The following EXPH5 variants were observed in gnomAD, a reference collection of about 807,000 sequenced individuals.
EXPH5 encodes the protein exophilin 5.
EXPH5 carries 42 observed loss-of-function variants against 41.1 expected under a neutral mutation model. The ratio of observed to expected loss-of-function variants is 1.02; its 90% CI spans 0.80 to 1.32. The LOEUF is 1.32. Ranked by LOEUF, EXPH5 falls within the 40% of genes most tolerant of loss-of-function variation. The pLI is 0.00. For synonymous variants in EXPH5, 798 were observed against 833.5 expected (o/e 0.96, Z 0.73); for missense variants, 2,298 against 2,314.5 (o/e 0.99, Z 0.15).
At chr11:108,526,541 G>T (rs984649741) in intron 4 of EXPH5, among the ~76,000 whole-genome samples, 2 of 152,200 alleles carry the variant, frequency 1.3e-5, no homozygotes, top group Admixed American at 1.3e-4. Flanking sequence ...AAAACCGAGA[G>T]TACAGAAGCA....
rs1232742653 is a variant in EXPH5 at position 108,541,591 on chromosome 11, T to G, written c.280+61A>C. ...ACATTGGAGATCCACTGGGCCATTA[T>G]CTACAATACTATGCCACAGAAACAA... On this transcript the variant is annotated intron_variant, in intron 2 of 5. Coordinates refer to ENST00000265843, the MANE Select transcript of EXPH5 (RefSeq NM_015065.3). 5 of 1,158,790 alleles carry G rather than the reference T, an allele frequency of 4.3e-6. No individual in the cohort carries two copies. In the African/African-American group the frequency reaches 7.7e-5, roughly 18 times the overall value. 71.8% of individuals were successfully genotyped at this position (1,158,790 alleles called of 1,614,324 possible).
intron 1 of EXPH5, among the ~76,000 whole-genome samples, chr11:108,549,477 C>T (rs138128401): frequency 6.6e-6 from 1 of 152,244 alleles, no homozygotes; most frequent in East Asian, 1.9e-4. Context: ...CAACTTAGTC[C>T]TTGCTGACCT....
Position 108,509,937 on chromosome 11 carries a change from G to C in EXPH5, c.5570C>G (p.Ser1857Cys). The stretch of plus-strand genomic sequence containing the variant: ...AGCCCAACTTTCATTTCCATCACAG[G>C]AGGGGAGTTCAGAAAAAGATCTGAA... ...RRFRSFSELP[S>C]CDGNESWAYR... is the part of the protein sequence containing the mutation. Residue 1857 changes from serine (S) to cysteine (C), a missense_variant, in exon 6 of 6, where the codon TCC becomes TGC. By Grantham distance (112) the Ser-to-Cys change is moderately radical. Coordinates refer to ENST00000265843, the MANE Select transcript of EXPH5 (RefSeq NM_015065.3). 6.2e-7 allele frequency: 1 copy of C among 1,611,998 alleles called. No homozygotes were observed. The highest frequency in any genetic ancestry group is 8.5e-7 in the Non-Finnish European group (1 of 1,179,312).
rs1250955192 is a variant in EXPH5 at position 108,510,039 on chromosome 11, C to T, written c.5468G>A (p.Ser1823Asn). Residue 1823 changes from serine (S) to asparagine (N), a missense_variant, in exon 6 of 6, where the codon AGC becomes AAC. By Grantham distance (46) the Ser-to-Asn change is conservative (BLOSUM62 1). Coordinates refer to ENST00000265843, the MANE Select transcript of EXPH5 (RefSeq NM_015065.3). ...PKVRERHFSESTSIDNALSRL... is the reference protein window; with the variant it reads ...PKVRERHFSENTSIDNALSRL... Reference sequence around the variant, plus strand: ...ACTCAGGGCATTGTCAATAGAAGTGCTTTCAGAAAAATGGCGCTCCCTGAC... The same window carrying T: ...ACTCAGGGCATTGTCAATAGAAGTGTTTTCAGAAAAATGGCGCTCCCTGAC... 8 of 1,611,944 alleles carry T rather than the reference C, an allele frequency of 5.0e-6. No individual in the cohort carries two copies. The highest frequency in any genetic ancestry group is 4.0e-5 in the African/African-American group (3 of 74,752).
chr11:108,508,868 T>C lies in EXPH5; in HGVS notation c.*669A>G, dbSNP rs1034058125. ...CAGGTCCTAATCTATAACCTCAACA[T>C]GTGCTTTGACCATGTGCCTCCCAGG... On this transcript the variant is annotated 3_prime_UTR_variant, in exon 6 of 6. Coordinates refer to ENST00000265843, the MANE Select transcript of EXPH5 (RefSeq NM_015065.3). 3.3e-5 allele frequency: 5 copies of C among 152,356 alleles called. No individual in the cohort carries two copies. The highest frequency in any genetic ancestry group is 1.2e-4 in the African/African-American group (5 of 41,582). The allele number at this position is 152,356 out of a possible 1,614,324, so 9.4% of individuals were successfully genotyped here. A position where few individuals can be genotyped will look rare whatever the true frequency, so the allele number is the denominator to read the frequency against.
At position 108,509,435 on chromosome 11, in the gene EXPH5, G is replaced by T. The variant is rs576704689; in HGVS notation, c.*102C>A. ...TGTGGGACATTTCAGAGCAGACACTGCCCAGACTAGATCTTTTATCCTTCC... is the reference window on the plus strand; with the variant it reads ...TGTGGGACATTTCAGAGCAGACACTTCCCAGACTAGATCTTTTATCCTTCC... On this transcript the variant is annotated 3_prime_UTR_variant, in exon 6 of 6. Coordinates refer to ENST00000265843, the MANE Select transcript of EXPH5 (RefSeq NM_015065.3). 2 of 1,150,872 alleles carry T rather than the reference G, an allele frequency of 1.7e-6. No homozygotes were observed. The highest frequency in any genetic ancestry group is 2.4e-5 in the East Asian group (1 of 41,694). The allele number at this position is 1,150,872 out of a possible 1,614,324, so 71.3% of individuals were successfully genotyped here.
chr11:108,574,987 T>C (rs1345066434), intron 1 of EXPH5, among the ~76,000 whole-genome samples: 1 of 152,202 alleles, frequency 6.6e-6, no homozygotes, highest in Non-Finnish European at 1.5e-5. Context: ...TACTTCCAGA[T>C]GTATTCTTAT....
At position 108,507,689 on chromosome 11, in the gene EXPH5, C is replaced by T. The variant is rs966468162; in HGVS notation, c.*1848G>A. 1 of 152,018 alleles carries T rather than the reference C, an allele frequency of 6.6e-6. No individual in the cohort carries two copies. Among genetic ancestry groups the T allele is most frequent in the African/African-American group, 2.4e-5 (1 of 41,358 alleles). 9.4% of individuals were successfully genotyped at this position (152,018 alleles called of 1,614,324 possible). On this transcript the variant is annotated 3_prime_UTR_variant, in exon 6 of 6. Coordinates refer to ENST00000265843, the MANE Select transcript of EXPH5 (RefSeq NM_015065.3). ...AATCACTGAATCATAGTGACAAGCC[C>T]TTAGGAGCTCTGCCTTAGAATTTCC... is the stretch of plus-strand genomic sequence containing the variant.
intron 1 of EXPH5, among the ~76,000 whole-genome samples, chr11:108,569,343 T>C (rs2136096533): frequency 6.7e-6 from 1 of 149,938 alleles, no homozygotes; most frequent in South Asian, 2.1e-4. Flanking sequence ...TTTATTATTA[T>C]TTTCTTATTT....
chr11:108,580,196 C>A lies in EXPH5; in HGVS notation c.119+13222G>T, dbSNP rs151328137. ...CCAGAATACACAATAAATTGAAACA[C>A]CTCAACAGCAAAAAAGCTGACAATC... is the stretch of plus-strand genomic sequence containing the variant. On this transcript the variant is annotated intron_variant, in intron 1 of 5. Transcript: ENST00000265843. Among the ~76,000 whole-genome samples the A allele has an allele frequency of 4.7e-3, 710 of 152,066 alleles. 5 individuals are homozygous for A. Among genetic ancestry groups the A allele is most frequent in the African/African-American group, 0.016 (661 of 41,496 alleles).
rs143775381 is a variant in EXPH5, at chr11:108,511,494, C to A, written c.4013G>T (p.Gly1338Val). 3.0e-4 allele frequency: 474 copies of A among 1,589,386 alleles called. 3 individuals carry two copies. The highest frequency in any genetic ancestry group is 3.0e-4 in the Non-Finnish European group (347 of 1,171,156). The change falls in exon 6 of 6, where the codon GGG (glycine) becomes GTG (valine). Residue 1338 changes from glycine to valine, a missense_variant. By Grantham distance (109) the Gly-to-Val change is moderately radical. Transcript: ENST00000265843. ...TTCCTGTAATGTAGGAGCTAGGGGC[C>A]CCCTATTTGATAATCGGAAGGCAGT... is the stretch of plus-strand genomic sequence containing the variant. ...NMTAFRLSNRGPLAPTLQEMA... is the reference protein window; with the variant it reads ...NMTAFRLSNRVPLAPTLQEMA...
At chr11:108,516,042 A>T (rs2093723906) in intron 5 of EXPH5, among the ~76,000 whole-genome samples, 2 of 146,652 alleles carry the variant, frequency 1.4e-5, no homozygotes, top group Non-Finnish European at 3.0e-5. Context: ...ACTGCACTCC[A>T]GCCTGGGCGA....
At chr11:108,554,510 A>G (rs2093981856) in intron 1 of EXPH5, among the ~76,000 whole-genome samples, 1 of 152,184 alleles carries the variant, frequency 6.6e-6, no homozygotes, top group African/African-American at 2.4e-5. Context: ...CAAATGAAAC[A>G]CTGTCATTGT....
chr11:108,573,576 T>G (rs2136104203), intron 1 of EXPH5, among the ~76,000 whole-genome samples: 1 of 152,354 alleles, frequency 6.6e-6, no homozygotes, highest in Non-Finnish European at 1.5e-5. Flanking sequence ...TTGTGGTTAT[T>G]TGGTTGCTAC....
intron 1 of EXPH5, among the ~76,000 whole-genome samples, chr11:108,587,348 A>G (rs2094116241): frequency 6.6e-6 from 1 of 152,208 alleles, no homozygotes; most frequent in South Asian, 2.1e-4. Context: ...TTTTCTGACT[A>G]ACCTTCACCT....
intron 1 of EXPH5, among the ~76,000 whole-genome samples, chr11:108,566,391 A>G (rs1218946464): frequency 3.3e-5 from 5 of 152,196 alleles, no homozygotes; most frequent in Non-Finnish European, 7.3e-5. Context: ...AGGCTTTCAT[A>G]GGCAGACTTT....
At chr11:108,551,103 C>T (rs1285769514) in intron 1 of EXPH5, among the ~76,000 whole-genome samples, 1 of 152,174 alleles carries the variant, frequency 6.6e-6, no homozygotes, top group African/African-American at 2.4e-5. Context: ...CAATCCTCAC[C>T]CTAACACTGC....
At chr11:108,540,143 A>C (rs1278742798) in intron 2 of EXPH5, among the ~76,000 whole-genome samples, 2 of 152,096 alleles carry the variant, frequency 1.3e-5, no homozygotes, top group Non-Finnish European at 2.9e-5. Flanking sequence ...CAACATGGAG[A>C]AACCCCGTCT....
At chr11:108,540,649 A>C (rs2093907679) in intron 2 of EXPH5, among the ~76,000 whole-genome samples, 1 of 152,188 alleles carries the variant, frequency 6.6e-6, no homozygotes, top group South Asian at 2.1e-4. Context: ...TTTCTAGTGC[A>C]CTTTGGTTAT....
Sources: allele counts gnomAD v4.1 joint callset (sites outside exome capture counted in the v4.1 genomes callset), GRCh38; gene constraint gnomAD v4.1.1; transcripts MANE v1.5; gene names NCBI Gene and HGNC (gene_info 2026-07-23, HGNC 2026-07-21).